Variants in AGXT2 observed in about 807,000 individuals in gnomAD.
The protein encoded by AGXT2 is alanine--glyoxylate aminotransferase 2.
In AGXT2, 61 loss-of-function variants were observed where a neutral mutation model predicts 62.5. The ratio of observed to expected loss-of-function variants is 0.98; its 90% CI spans 0.79 to 1.21. The LOEUF (loss-of-function observed/expected upper bound fraction) is 1.21. AGXT2 is among the 50% of genes most tolerant of loss of function. AGXT2 has a pLI of 0.00. For synonymous variants in AGXT2, 243 were observed against 218.7 expected (o/e 1.11, Z -0.98); for missense variants, 666 against 641.5 (o/e 1.04, Z -0.41).
In AGXT2 at chr5:34,998,231, A is replaced by G. The variant is rs894367134; in HGVS notation, c.*488T>C. On this transcript the variant is annotated 3_prime_UTR_variant, in exon 14 of 14. Coordinates refer to ENST00000231420, the MANE Select transcript of AGXT2 (RefSeq NM_031900.4). ...TTCCATCCATCTTCCAACCTCACCA[A>G]AAAGGGTTGTCCTCATGACTACAAG... is the stretch of plus-strand genomic sequence containing the variant. 1 of 178,236 alleles carries G rather than the reference A, an allele frequency of 5.6e-6. No homozygotes were observed. Among genetic ancestry groups the G allele is most frequent in the South Asian group, 1.3e-4 (1 of 7,854 alleles). 11.0% of individuals were successfully genotyped at this position (178,236 alleles called of 1,614,324 possible). A position where few individuals can be genotyped will look rare whatever the true frequency, so the allele number is the denominator to read the frequency against.
At position 35,013,041 on chromosome 5, in the gene AGXT2, A is replaced by C; in HGVS notation, c.1101T>G (p.Ile367Met). ...PMAAVITTPEIAKSLAKCLQH... is the reference protein window; with the variant it reads ...PMAAVITTPEMAKSLAKCLQH... The stretch of plus-strand genomic sequence containing the variant: ...GCAGGCATTTCGCCAAAGATTTGGC[A>C]ATCTCTAGAGGGAGAAAATAGAAGG... The change falls in exon 11 of 14, where the codon ATT (isoleucine) becomes ATG (methionine). Residue 367 changes from isoleucine (I) to methionine (M), a missense_variant. Transcript: ENST00000231420. The C allele has an allele frequency of 6.4e-7, 1 of 1,551,640 alleles. No homozygotes were observed. Among genetic ancestry groups the C allele is most frequent in the Non-Finnish European group, 8.7e-7 (1 of 1,146,910 alleles).
chr5:35,007,465 G>A (rs1206707367), intron 12 of AGXT2, among the ~76,000 whole-genome samples: 1 of 152,216 alleles, frequency 6.6e-6, no homozygotes, highest in African/African-American at 2.4e-5. Flanking sequence ...CAAGCTTTAA[G>A]GAGATGCGAT....
At chr5:35,015,146 C>T (rs1766803988) in intron 9 of AGXT2, among the ~76,000 whole-genome samples, 1 of 152,176 alleles carries the variant, frequency 6.6e-6, no homozygotes, top group Non-Finnish European at 1.5e-5. Context: ...TCTGAAGGTT[C>T]TCCTGAGCCT....
intron 5 of AGXT2, 35 bp downstream of exon 5, chr5:35,035,187 T>C: frequency 6.5e-7 from 1 of 1,544,626 alleles, no homozygotes; most frequent in Non-Finnish European, 9.0e-7. Flanking sequence ...GGTAAGTCAG[T>C]GTTCCTAAAG....
chr5:34,999,793 T>C (rs865797877), intron 13 of AGXT2, among the ~76,000 whole-genome samples: 3 of 152,202 alleles, frequency 2.0e-5, no homozygotes, highest in Admixed American at 2.0e-4. Flanking sequence ...CATCCATTTT[T>C]ATAAACTTTC....
At chr5:35,032,709 G>A (rs764797909) in intron 7 of AGXT2, 23 bp downstream of exon 7, 1 of 1,581,590 alleles carries the variant, frequency 6.3e-7, no homozygotes, top group South Asian at 1.1e-5. Context: ...CACTCCACTG[G>A]CACCCCCCTT....
At chr5:35,013,605 A>C (rs1766727020) in intron 10 of AGXT2, among the ~76,000 whole-genome samples, 1 of 152,154 alleles carries the variant, frequency 6.6e-6, no homozygotes, top group African/African-American at 2.4e-5. Context: ...AACATGGTGA[A>C]ACTCCGTTTC....
At chr5:35,029,476 T>G (rs1448657386) in intron 7 of AGXT2, among the ~76,000 whole-genome samples, 1 of 152,220 alleles carries the variant, frequency 6.6e-6, no homozygotes, top group East Asian at 1.9e-4. Flanking sequence ...CTTTTTACTT[T>G]ATTTCGCACT....
chr5:35,040,706 AG>A (rs748599723), intron 1 of AGXT2, 43 bp from the exon 2 acceptor site: 2 of 1,498,132 alleles, frequency 1.3e-6, no homozygotes, highest in East Asian at 4.5e-5. Context: ...AGCATGACAT[AG>A]GTCTGTTTGT....
chr5:35,012,542 G>A (rs1020496874), intron 11 of AGXT2: 19 of 250,944 alleles, frequency 7.6e-5, no homozygotes, highest in African/African-American at 3.4e-4. Context: ...CTGTAAGCAC[G>A]TAGAACTCAG....
At chr5:35,005,311 C>T (rs1187600197) in intron 12 of AGXT2, among the ~76,000 whole-genome samples, 1 of 152,186 alleles carries the variant, frequency 6.6e-6, no homozygotes, top group African/African-American at 2.4e-5. Flanking sequence ...TCACTGCAAC[C>T]TCTGCCTCCT....
In AGXT2 at chr5:35,020,915, C is replaced by G. The variant is rs557419647; in HGVS notation, c.963+4848G>C. ...TCAATGTACAAAAATCACAAGCATTCTTATACACCAATAACAGACAAACAG... is the reference window on the plus strand; with the variant it reads ...TCAATGTACAAAAATCACAAGCATTGTTATACACCAATAACAGACAAACAG... On this transcript the variant is annotated intron_variant, in intron 9 of 13. Coordinates refer to ENST00000231420, the MANE Select transcript of AGXT2 (RefSeq NM_031900.4). Among the ~76,000 whole-genome samples, 163 of 152,212 alleles carry G rather than the reference C, an allele frequency of 1.1e-3. 3 individuals carry two copies. The highest frequency in any genetic ancestry group is 3.8e-3 in the African/African-American group (156 of 41,536).
intron 7 of AGXT2, chr5:35,026,906 CTATT>C: frequency 9.1e-6 from 9 of 985,118 alleles, no homozygotes; most frequent in Non-Finnish European, 1.1e-5. Flanking sequence ...GAAAATAACT[CTATT>C]TACCTTTCAT....
intron 12 of AGXT2, among the ~76,000 whole-genome samples, chr5:35,008,927 A>G (rs1156362754): frequency 1.3e-5 from 2 of 152,188 alleles, no homozygotes; most frequent in Non-Finnish European, 2.9e-5. Context: ...GAAAGGCACA[A>G]TTTCCTACAG....
chr5:35,002,541 GC>G (rs756041205), intron 13 of AGXT2, among the ~76,000 whole-genome samples: 10 of 152,226 alleles, frequency 6.6e-5, no homozygotes, highest in Non-Finnish European at 1.5e-4. Flanking sequence ...GTGAAGTGGA[GC>G]CTTTGGGAAG....
intron 9 of AGXT2, among the ~76,000 whole-genome samples, chr5:35,014,963 G>A (rs1053217123): frequency 1.1e-4 from 17 of 152,152 alleles, no homozygotes; most frequent in Non-Finnish European, 1.9e-4. Flanking sequence ...GGACCCAGAC[G>A]AGGCAGTTAA....
At chr5:35,032,676 T>C in intron 7 of AGXT2, 56 bp downstream of exon 7, 1 of 1,433,824 alleles carries the variant, frequency 7.0e-7, no homozygotes, top group Non-Finnish European at 9.7e-7. Flanking sequence ...TCTGCCTTTA[T>C]TCGTGTCCCT....
At chr5:35,038,904 C>T (rs2112282479) in intron 3 of AGXT2, among the ~76,000 whole-genome samples, 1 of 152,276 alleles carries the variant, frequency 6.6e-6, no homozygotes, top group Admixed American at 6.5e-5. Flanking sequence ...TTCCATCTCT[C>T]AGAGGCCATG....
In AGXT2 at chr5:35,039,408, A is replaced by C; in HGVS notation, c.278T>G (p.Met93Arg). The change falls in exon 3 of 14, where the codon ATG becomes AGG. Residue 93 changes from methionine to arginine, a missense_variant. Coordinates refer to ENST00000231420, the MANE Select transcript of AGXT2 (RefSeq NM_031900.4). ...QKPLLLHQGH[M>R]EWLFDAEGSR... ...TCCTTCAGCATCAAAGAGCCACTCC[A>C]TGTGCCCCTGGTGGAGCAGCAGGGG... 6.2e-7 allele frequency: 1 copy of C among 1,614,168 alleles called. No individual in the cohort carries two copies. Among genetic ancestry groups the C allele is most frequent in the Non-Finnish European group, 8.5e-7 (1 of 1,179,994 alleles).
Sources: allele counts gnomAD v4.1 joint callset (sites outside exome capture counted in the v4.1 genomes callset), GRCh38; gene constraint gnomAD v4.1.1; transcripts MANE v1.5; gene names NCBI Gene and HGNC (gene_info 2026-07-23, HGNC 2026-07-21).